Variants in KLHL4 observed in about 807,000 individuals in gnomAD.
KLHL4 encodes the protein kelch-like protein 4.
Under a neutral mutation model 45.8 loss-of-function variants are expected in KLHL4, and 17 were observed. The observed-to-expected ratio is 0.37, with a 90% confidence interval of 0.25 to 0.56. The LOEUF is 0.56. Ranked by LOEUF, KLHL4 falls within the 20% of genes least tolerant of loss-of-function variation. The probability of loss-of-function intolerance (pLI) is 0.79; values close to 1 mark genes in which losing one functional copy is unlikely to be tolerated. For synonymous variants in KLHL4, 224 were observed against 189.9 expected (o/e 1.18, Z -1.47); for missense variants, 544 against 544.9 (o/e 1.00, Z 0.02).
intron 9 of KLHL4, among the ~76,000 whole-genome samples, chrX:87,654,688 A>G (rs1369977170): frequency 1.8e-5 from 2 of 111,986 alleles, no homozygotes; most frequent in Non-Finnish European, 3.8e-5. Flanking sequence ...ATCAAATGGT[A>G]GATATATTTT....
At chrX:87,572,794 T>TAA (rs59585746) in intron 1 of KLHL4, among the ~76,000 whole-genome samples, 18,983 of 77,627 alleles carry the variant, frequency 0.24, 1,661 homozygotes, top group Non-Finnish European at 0.29. Context: ...TAAAGTATAA[T>TAA]AAAAAAAAAA....
chrX:87,594,486 A>T (rs1414867798), intron 1 of KLHL4, among the ~76,000 whole-genome samples: 2 of 111,692 alleles, frequency 1.8e-5, no homozygotes, highest in African/African-American at 6.5e-5. Flanking sequence ...GTTAAACTGC[A>T]GTGTGTAGTT....
intron 9 of KLHL4, among the ~76,000 whole-genome samples, chrX:87,642,519 T>C (rs1923497922): frequency 8.9e-6 from 1 of 111,782 alleles, no homozygotes; most frequent in African/African-American, 3.3e-5. Context: ...ATCACACTAG[T>C]TCACCAGCAG....
intron 1 of KLHL4, among the ~76,000 whole-genome samples, chrX:87,612,140 G>T (rs1019346879): frequency 9.0e-6 from 1 of 111,480 alleles, no homozygotes; most frequent in African/African-American, 3.3e-5. Flanking sequence ...TTAATTTAGT[G>T]CAGCCTAGAT....
chrX:87,589,085 T>C (rs969131546), intron 1 of KLHL4, among the ~76,000 whole-genome samples: 12 of 111,751 alleles, frequency 1.1e-4, no homozygotes, highest in African/African-American at 3.9e-4. Context: ...ATCAGAGAAA[T>C]GCAAATCAAA....
intron 9 of KLHL4, among the ~76,000 whole-genome samples, 153 bp downstream of exon 9, chrX:87,635,928 G>A (rs1207851041): frequency 8.9e-6 from 1 of 112,088 alleles, no homozygotes; most frequent in Non-Finnish European, 1.9e-5. Context: ...GGGAGAACAA[G>A]TCCTTTCCCA....
intron 1 of KLHL4, among the ~76,000 whole-genome samples, chrX:87,583,695 C>A (rs752701939): frequency 7.5e-4 from 84 of 111,488 alleles, no homozygotes; most frequent in Non-Finnish European, 1.4e-3. Context: ...ACATTGACGG[C>A]CTTGGGTTAG....
chrX:87,546,018 A>G (rs1931672871), intron 1 of KLHL4, among the ~76,000 whole-genome samples: 1 of 111,830 alleles, frequency 8.9e-6, no homozygotes, highest in Non-Finnish European at 1.9e-5. Context: ...AATAGTTTGG[A>G]AAATTTGCAG....
chrX:87,629,670 G>A (rs904111642), intron 6 of KLHL4, among the ~76,000 whole-genome samples: 2 of 110,766 alleles, frequency 1.8e-5, no homozygotes, highest in Admixed American at 9.7e-5. Flanking sequence ...TAGGTCATCC[G>A]TAAATTGCAC....
intron 1 of KLHL4, among the ~76,000 whole-genome samples, chrX:87,562,144 T>C (rs1184929542): frequency 9.2e-6 from 1 of 109,165 alleles, no homozygotes; most frequent in African/African-American, 3.3e-5. Context: ...GACTTTTGCT[T>C]TCACCTTGAG....
intron 1 of KLHL4, among the ~76,000 whole-genome samples, chrX:87,586,709 C>T (rs1921486161): frequency 9.0e-6 from 1 of 110,540 alleles, no homozygotes; most frequent in African/African-American, 3.3e-5. Context: ...AACAATGTGT[C>T]TTAAAGAACT....
chrX:87,556,621 A>G (rs1284752012), intron 1 of KLHL4, among the ~76,000 whole-genome samples: 2 of 110,365 alleles, frequency 1.8e-5, no homozygotes, highest in Non-Finnish European at 3.8e-5. Flanking sequence ...ACATGTATAC[A>G]TATGTAACTA....
At chrX:87,528,573 A>G (rs5969233) in intron 1 of KLHL4, among the ~76,000 whole-genome samples, 28,157 of 107,329 alleles carry the variant, frequency 0.26, 3,111 homozygotes, top group East Asian at 0.54. Flanking sequence ...AAATTAGCTC[A>G]GCGTGGTGGC....
chrX:87,626,158 G>A (rs222073), intron 6 of KLHL4, among the ~76,000 whole-genome samples: 41,572 of 110,363 alleles, frequency 0.38, 6,022 homozygotes, highest in Middle Eastern at 0.47. Flanking sequence ...TTAAGAATGC[G>A]CCCATTCTTA....
chrX:87,605,563 T>G (rs1038125638), intron 1 of KLHL4, among the ~76,000 whole-genome samples: 1 of 111,310 alleles, frequency 9.0e-6, no homozygotes, highest in African/African-American at 3.3e-5. Flanking sequence ...GATACACTAC[T>G]GATTTTTGTT....
chrX:87,630,482 G>A (rs1353991188), intron 6 of KLHL4, among the ~76,000 whole-genome samples: 2 of 110,813 alleles, frequency 1.8e-5, no homozygotes, highest in African/African-American at 6.6e-5. Flanking sequence ...CATTAACTAT[G>A]AAATTTTTTA....
At position 87,625,380 on chromosome X, in the gene KLHL4, C is replaced by T. The variant is rs946217946; in HGVS notation, c.1138-230C>T. ...AAGTAGCTGGGATTACAGGCACATG[C>T]AACCACAACTGGCTAATTTTTGTAT... is the stretch of plus-strand genomic sequence containing the variant. On this transcript the variant is annotated intron_variant, in intron 5 of 10. Coordinates refer to ENST00000373119, the MANE Select transcript of KLHL4 (RefSeq NM_019117.5). Among the ~76,000 whole-genome samples, 4 of 111,755 alleles carry T rather than the reference C, an allele frequency of 3.6e-5. No homozygotes were observed. In the Admixed American group the frequency reaches 3.8e-4, roughly 11 times the overall value.
chrX:87,542,718 A>G (rs758314516), intron 1 of KLHL4, among the ~76,000 whole-genome samples: 7 of 112,041 alleles, frequency 6.2e-5, no homozygotes, highest in Admixed American at 5.7e-4. Flanking sequence ...TTGATTTTAC[A>G]GGCTCTTAGG....
chrX:87,562,750 C>T (rs1932127034), intron 1 of KLHL4, among the ~76,000 whole-genome samples: 1 of 110,818 alleles, frequency 9.0e-6, no homozygotes, highest in Non-Finnish European at 1.9e-5. Flanking sequence ...GCTAGAGAGC[C>T]CTTGGGCCTT....
Sources: allele counts gnomAD v4.1 joint callset (sites outside exome capture counted in the v4.1 genomes callset), GRCh38; gene constraint gnomAD v4.1.1; transcripts MANE v1.5; gene names NCBI Gene and HGNC (gene_info 2026-07-23, HGNC 2026-07-21).